Variants in IL1RAPL1 observed in about 807,000 individuals in gnomAD.
IL1RAPL1 encodes the protein interleukin 1 receptor accessory protein like 1, also known as interleukin-1 receptor accessory protein-like 1.
Under a neutral mutation model 48.4 loss-of-function variants are expected in IL1RAPL1, and 3 were observed. The observed-to-expected ratio is 0.06, with a 90% CI of 0.03 to 0.16. The LOEUF (loss-of-function observed/expected upper bound fraction) is 0.16. IL1RAPL1 is among the 10% of genes least tolerant of loss of function. The probability of loss-of-function intolerance (pLI) is 1.00; values close to 1 mark genes in which losing one functional copy is unlikely to be tolerated. For synonymous variants in IL1RAPL1, 185 were observed against 187.7 expected, an observed-to-expected ratio of 0.99 and a Z score of 0.12; for missense variants, 349 against 530.6, an observed-to-expected ratio of 0.66 and a Z score of 3.36.
Position 29,030,831 on chromosome X carries a change from C to G in IL1RAPL1, c.82+241406C>G, listed in dbSNP as rs185101599. Among the ~76,000 whole-genome samples the G allele has an allele frequency of 5.0e-3, 558 of 111,488 alleles. 3 individuals carry two copies. The highest frequency in any genetic ancestry group is 0.017 in the African/African-American group (539 of 30,804). ...TGAGAAGGCCAAAGATAAGGTGAAT[C>G]TTATATCAAAGTACTAAAGAGAATG... On this transcript the variant is annotated intron_variant, in intron 2 of 10. Transcript: ENST00000378993.
intron 6 of IL1RAPL1, among the ~76,000 whole-genome samples, chrX:29,900,842 G>C (rs1025042691): frequency 8.9e-6 from 1 of 111,787 alleles, no homozygotes; most frequent in Admixed American, 9.5e-5. Flanking sequence ...GAGACAAGGT[G>C]GAAAAAGTAG....
At chrX:29,790,714 T>A (rs1053149008) in intron 6 of IL1RAPL1, among the ~76,000 whole-genome samples, 4 of 111,880 alleles carry the variant, frequency 3.6e-5, no homozygotes, top group Admixed American at 9.5e-5. Flanking sequence ...TATCTCAAAA[T>A]TGACCCTGTC....
intron 3 of IL1RAPL1, among the ~76,000 whole-genome samples, chrX:29,297,667 T>C (rs752588077): frequency 7.1e-5 from 8 of 112,189 alleles, no homozygotes; most frequent in South Asian, 3.6e-4. Flanking sequence ...CAAAGAAGTA[T>C]TGGCTTTCTA....
At chrX:29,411,367 A>G (rs915015984) in intron 5 of IL1RAPL1, among the ~76,000 whole-genome samples, 15 of 112,390 alleles carry the variant, frequency 1.3e-4, no homozygotes, top group African/African-American at 4.2e-4. Context: ...ATATTAAGAA[A>G]GGCAATTGGT....
At chrX:29,364,978 G>A (rs1024856779) in intron 3 of IL1RAPL1, among the ~76,000 whole-genome samples, 1 of 111,623 alleles carries the variant, frequency 9.0e-6, no homozygotes, top group African/African-American at 3.3e-5. Context: ...TCATATAAAT[G>A]CATGCAAAAT....
At chrX:29,376,892 TC>T (rs1198404814) in intron 3 of IL1RAPL1, among the ~76,000 whole-genome samples, 1 of 111,954 alleles carries the variant, frequency 8.9e-6, no homozygotes, top group Non-Finnish European at 1.9e-5. Flanking sequence ...TCTGTTAGGT[TC>T]AATTGGTTGA....
At chrX:29,223,273 A>G (rs1382368430) in intron 2 of IL1RAPL1, among the ~76,000 whole-genome samples, 1 of 111,802 alleles carries the variant, frequency 8.9e-6, no homozygotes, top group African/African-American at 3.2e-5. Context: ...GCACACACAT[A>G]CACATATGTG....
chrX:28,754,451 C>G (rs1213122429), intron 1 of IL1RAPL1, among the ~76,000 whole-genome samples: 1 of 111,875 alleles, frequency 8.9e-6, no homozygotes, highest in Non-Finnish European at 1.9e-5. Flanking sequence ...TCCTGTTAAA[C>G]AAGAATTTAT....
chrX:28,762,786 G>GCGCACACACACACA (rs1366464632), intron 1 of IL1RAPL1, among the ~76,000 whole-genome samples: 3 of 62,971 alleles, frequency 4.8e-5, no homozygotes, highest in Admixed American at 1.9e-4. Flanking sequence ...GCACGCGCGC[G>GCGCACACACACACA]CACACACACA....
intron 2 of IL1RAPL1, among the ~76,000 whole-genome samples, chrX:29,056,191 T>G (rs1362417607): frequency 9.0e-6 from 1 of 111,587 alleles, no homozygotes; most frequent in Admixed American, 9.6e-5. Flanking sequence ...CATGAACTCA[T>G]TAGACATAGA....
chrX:29,502,420 T>A (rs1243629705), intron 5 of IL1RAPL1, among the ~76,000 whole-genome samples: 1 of 111,675 alleles, frequency 9.0e-6, no homozygotes, highest in African/African-American at 3.2e-5. Flanking sequence ...AATTTCAATT[T>A]TTTCTCACTT....
intron 2 of IL1RAPL1, among the ~76,000 whole-genome samples, chrX:28,809,792 CT>C (rs886103646): frequency 4.1e-4 from 44 of 107,321 alleles, no homozygotes; most frequent in African/African-American, 1.3e-3. Context: ...TCCAAAGAAT[CT>C]TTTTTTTTGG....
chrX:29,512,014 T>C (rs1183766345), intron 5 of IL1RAPL1, among the ~76,000 whole-genome samples: 1 of 111,430 alleles, frequency 9.0e-6, no homozygotes, highest in Non-Finnish European at 1.9e-5. Flanking sequence ...ATACTAGAAA[T>C]GTAGCATGTC....
At chrX:28,757,856 T>A (rs1041125025) in intron 1 of IL1RAPL1, among the ~76,000 whole-genome samples, 1 of 111,805 alleles carries the variant, frequency 8.9e-6, no homozygotes, top group African/African-American at 3.3e-5. Flanking sequence ...TTTTATCCTG[T>A]TATTTTCTTT....
At chrX:29,118,725 T>A (rs1445843300) in intron 2 of IL1RAPL1, among the ~76,000 whole-genome samples, 4 of 111,680 alleles carry the variant, frequency 3.6e-5, no homozygotes, top group Non-Finnish European at 7.6e-5. Flanking sequence ...CTGATGCTTA[T>A]TATGCCCAGG....
chrX:29,236,535 CTTTTT>C (rs759738945), intron 2 of IL1RAPL1, among the ~76,000 whole-genome samples: 1 of 59,001 alleles, frequency 1.7e-5, no homozygotes, highest in East Asian at 4.4e-4. Flanking sequence ...CTTTCTTTTT[CTTTTT>C]TTTTCTTTTT....
chrX:29,294,095 G>T (rs765643917), intron 3 of IL1RAPL1, among the ~76,000 whole-genome samples: 5 of 110,616 alleles, frequency 4.5e-5, no homozygotes, highest in Non-Finnish European at 7.6e-5. Flanking sequence ...ACAAAAAGGG[G>T]CTGATTAAAG....
chrX:29,837,258 C>CAAAAAAAAA (rs34032700), intron 6 of IL1RAPL1, among the ~76,000 whole-genome samples: 13 of 30,011 alleles, frequency 4.3e-4, no homozygotes, highest in African/African-American at 2.5e-3. Context: ...GACTGCATCT[C>CAAAAAAAAA]AAAAAAAAAA....
At chrX:29,399,347 A>C in intron 5 of IL1RAPL1, 39 bp downstream of exon 5, 2 of 1,085,810 alleles carry the variant, frequency 1.8e-6, no homozygotes, top group Non-Finnish European at 2.6e-6. Context: ...CAAGTGATGA[A>C]ACTACTATTT....
Sources: gnomAD v4.1 joint callset for allele counts (sites outside exome capture counted in the v4.1 genomes callset) on GRCh38, gnomAD v4.1.1 for gene constraint, MANE v1.5 for transcripts, NCBI Gene and HGNC (gene_info 2026-07-23, HGNC 2026-07-21) for gene names.